The following RUNX1 variants were observed in gnomAD, a reference collection of about 807,000 sequenced individuals.
RUNX1 encodes the protein runt-related transcription factor 1.
Under a neutral mutation model 42.8 loss-of-function variants are expected in RUNX1, and 19 were observed. The observed-to-expected ratio is 0.44, with a 90% CI of 0.31 to 0.65. The LOEUF (loss-of-function observed/expected upper bound fraction) is 0.65, where lower values mean the gene tolerates loss of function less well. Among genes scored for constraint, RUNX1 ranks in the 30% least tolerant of loss-of-function variants. The pLI is 0.07. For synonymous variants in RUNX1, 271 were observed against 289.4 expected, an observed-to-expected ratio of 0.94 and a Z score of 0.64; for missense variants, 528 against 672.0, an observed-to-expected ratio of 0.79 and a Z score of 2.37.
At chr21:34,896,618 G>A (rs912059027) in intron 2 of RUNX1, among the ~76,000 whole-genome samples, 2 of 152,168 alleles carry the variant, frequency 1.3e-5, no homozygotes, top group African/African-American at 2.4e-5. Context: ...AGGAGGCGGA[G>A]GTTGCAGTGA....
chr21:34,844,995 C>T (rs991355770), intron 6 of RUNX1, among the ~76,000 whole-genome samples: 6 of 152,310 alleles, frequency 3.9e-5, no homozygotes, highest in East Asian at 3.9e-4. Context: ...ATAAGGCTTC[C>T]GGTTGTTTGT....
chr21:35,048,095 C>T (rs899993525), intron 2 of RUNX1, among the ~76,000 whole-genome samples: 6 of 152,190 alleles, frequency 3.9e-5, no homozygotes, highest in African/African-American at 1.2e-4. Context: ...ACTTAAGCTG[C>T]GAGAATGCTT....
chr21:34,943,526 C>G (rs1441866846), intron 2 of RUNX1, among the ~76,000 whole-genome samples: 2 of 152,220 alleles, frequency 1.3e-5, no homozygotes, highest in Admixed American at 1.3e-4. Flanking sequence ...CAAAATCCAT[C>G]TTACTTCATA....
chr21:34,816,214 C>T (rs1033880391), intron 7 of RUNX1, among the ~76,000 whole-genome samples: 2 of 152,212 alleles, frequency 1.3e-5, no homozygotes, highest in African/African-American at 4.8e-5. Flanking sequence ...CTTGCTGTCC[C>T]AGGAGCAAGG....
At position 35,037,177 on chromosome 21, in the gene RUNX1, A is replaced by C. The variant is rs565298720; in HGVS notation, c.58+11665T>G. Among the ~76,000 whole-genome samples the C allele has an allele frequency of 2.6e-5, 4 of 152,306 alleles. No homozygotes were observed. The East Asian group carries it at 7.7e-4, about 29-fold the overall frequency. ...CTGATATCACCTTCGATGGATTCTC[A>C]GATTGATAAATGAAAACAACTGGTC... On this transcript the variant is annotated intron_variant, in intron 2 of 8. Transcript: ENST00000675419.
At chr21:35,022,668 G>A (rs2059207285) in intron 2 of RUNX1, among the ~76,000 whole-genome samples, 1 of 152,152 alleles carries the variant, frequency 6.6e-6, no homozygotes, top group Non-Finnish European at 1.5e-5. Context: ...GCTGAGGCGG[G>A]CGGATCATCT....
intron 2 of RUNX1, among the ~76,000 whole-genome samples, chr21:34,931,347 T>C (rs1160289791): frequency 6.9e-6 from 1 of 145,830 alleles, no homozygotes; most frequent in Non-Finnish European, 1.5e-5. Context: ...TATATATATA[T>C]ATACATGTGT....
chr21:34,913,279 G>A (rs187976555), intron 2 of RUNX1, among the ~76,000 whole-genome samples: 11 of 152,316 alleles, frequency 7.2e-5, no homozygotes, highest in African/African-American at 2.6e-4. Flanking sequence ...AATAATGGCA[G>A]GAGAAGGAGG....
Position 35,048,855 on chromosome 21 carries a change from C to T in RUNX1, c.45G>A (p.Gln15=). The change falls in exon 2 of 9, where the codon CAG becomes CAA. Residue 15 remains glutamine (Q), a synonymous_variant. Coordinates refer to ENST00000675419, the MANE Select transcript of RUNX1 (RefSeq NM_001754.5). ...GCATGTACTCACCTCTCATGAAGCA[C>T]TGTGGGTACGAAGGAAATGACTCAA... ...SIFESFPSYP[Q]CFMRECILGM... 1 of 1,613,818 alleles carries T rather than the reference C, an allele frequency of 6.2e-7. No homozygotes were observed. Among genetic ancestry groups the T allele is most frequent in the Non-Finnish European group, 8.5e-7 (1 of 1,179,730 alleles).
chr21:34,971,637 G>A (rs1007066748), intron 2 of RUNX1, among the ~76,000 whole-genome samples: 1 of 152,034 alleles, frequency 6.6e-6, no homozygotes, highest in African/African-American at 2.4e-5. Flanking sequence ...AGAAGGAAAG[G>A]TGCATATCTA....
chr21:34,846,947 A>T (rs1004153502), intron 6 of RUNX1, among the ~76,000 whole-genome samples: 2 of 152,194 alleles, frequency 1.3e-5, no homozygotes, highest in Non-Finnish European at 2.9e-5. Context: ...CGTCCTGGGA[A>T]ACTGGCACTG....
intron 2 of RUNX1, among the ~76,000 whole-genome samples, chr21:34,990,066 T>C (rs1364174661): frequency 6.6e-6 from 1 of 152,166 alleles, no homozygotes; most frequent in Non-Finnish European, 1.5e-5. Flanking sequence ...GACTCTATCG[T>C]TCATTTTTCT....
At chr21:34,804,737 G>A (rs1304189294) in intron 7 of RUNX1, among the ~76,000 whole-genome samples, 3 of 141,984 alleles carry the variant, frequency 2.1e-5, no homozygotes, top group Non-Finnish European at 4.5e-5. Context: ...GCAGGGAGAT[G>A]GAAACTTTTT....
intron 2 of RUNX1, among the ~76,000 whole-genome samples, chr21:34,898,367 G>A (rs1167638615): frequency 1.3e-5 from 2 of 152,110 alleles, no homozygotes; most frequent in African/African-American, 4.8e-5. Flanking sequence ...AAGAAAACAA[G>A]TACCCTGGGC....
intron 3 of RUNX1, chr21:34,887,793 G>C: frequency 9.4e-7 from 1 of 1,063,362 alleles, no homozygotes; most frequent in Non-Finnish European, 1.1e-6. Flanking sequence ...GTACGCTGCA[G>C]ATTTTTTTAA....
intron 2 of RUNX1, among the ~76,000 whole-genome samples, chr21:35,002,418 ATTTATTT>A (rs2059052680): frequency 7.4e-6 from 1 of 134,724 alleles, no homozygotes; most frequent in Non-Finnish European, 1.6e-5. Flanking sequence ...TTATTTATTT[ATTTATTT>A]ATTATTTATT....
chr21:34,964,008 A>C (rs912743742), intron 2 of RUNX1, among the ~76,000 whole-genome samples: 1 of 152,176 alleles, frequency 6.6e-6, no homozygotes, highest in African/African-American at 2.4e-5. Context: ...TCATTCATTC[A>C]TTCCAGGTTT....
intron 7 of RUNX1, among the ~76,000 whole-genome samples, chr21:34,829,543 G>GCTCT (rs1352801658): frequency 1.3e-5 from 2 of 152,036 alleles, no homozygotes; most frequent in Non-Finnish European, 1.5e-5. Context: ...ACCTGGAAAG[G>GCTCT]CTCTCATACC....
chr21:34,821,645 G>A (rs1227288289), intron 7 of RUNX1: 9 of 1,565,006 alleles, frequency 5.8e-6, no homozygotes, highest in Non-Finnish European at 7.8e-6. Flanking sequence ...GGAGAGGGAT[G>A]GACAGAAGAA....
Sources: allele counts gnomAD v4.1 joint callset (sites outside exome capture counted in the v4.1 genomes callset), GRCh38; gene constraint gnomAD v4.1.1; transcripts MANE v1.5; gene names NCBI Gene and HGNC (gene_info 2026-07-23, HGNC 2026-07-21).